WNT9A: variants seen among roughly 807,000 people sequenced by gnomAD.
WNT9A encodes the protein Wnt family member 9A.
Under a neutral mutation model 31.4 loss-of-function variants are expected in WNT9A, and 8 were observed. That is an observed-to-expected ratio of 0.26 (90% CI 0.15 to 0.46). The LOEUF (loss-of-function observed/expected upper bound fraction) is 0.46, where lower values mean the gene tolerates loss of function less well. Ranked by LOEUF, WNT9A falls within the 20% of genes least tolerant of loss-of-function variation. The pLI is 0.99. For missense variants in WNT9A, 457 were observed against 522.9 expected (o/e 0.87, Z 1.23); for synonymous variants, 236 against 220.1 (o/e 1.07, Z -0.64).
At chr1:227,934,330 T>C (rs1666555951) in intron 1 of WNT9A, among the ~76,000 whole-genome samples, 1 of 152,256 alleles carries the variant, frequency 6.6e-6, no homozygotes, top group Non-Finnish European at 1.5e-5. Flanking sequence ...ATAGGATTAA[T>C]GAATATTTCT....
At chr1:227,947,207 G>A (rs956196495) in intron 1 of WNT9A, among the ~76,000 whole-genome samples, 8 of 152,114 alleles carry the variant, frequency 5.3e-5, no homozygotes, top group African/African-American at 1.9e-4. Flanking sequence ...TCCCGGCCAG[G>A]TTCCATGGAC....
chr1:227,924,460 C>T, intron 2 of WNT9A, 60 bp from the exon 3 acceptor site: 1 of 1,559,008 alleles, frequency 6.4e-7, no homozygotes, highest in Non-Finnish European at 8.7e-7. Context: ...CCTTCACTGT[C>T]CTGCAGCCAA....
intron 1 of WNT9A, among the ~76,000 whole-genome samples, chr1:227,940,194 C>A (rs902374339): frequency 2.6e-5 from 4 of 152,240 alleles, no homozygotes; most frequent in African/African-American, 9.6e-5. Flanking sequence ...CTCCCCCAGG[C>A]TACTTGGGCT....
intron 1 of WNT9A, among the ~76,000 whole-genome samples, chr1:227,929,256 C>T (rs993936298): frequency 2.0e-5 from 3 of 152,086 alleles, no homozygotes; most frequent in African/African-American, 7.2e-5. Context: ...ATAGCAAGAC[C>T]CCATCTCAAG....
intron 1 of WNT9A, among the ~76,000 whole-genome samples, chr1:227,927,619 G>A (rs564848928): frequency 1.8e-4 from 27 of 152,146 alleles, no homozygotes; most frequent in Non-Finnish European, 3.2e-4. Flanking sequence ...GGAGGCAGGC[G>A]GGGGAGTAAG....
Position 227,921,432 on chromosome 1 carries a change from A to G in WNT9A, c.*86T>C. ...CCACGCAGCTGGGCTGGTCGAGCCC[A>G]GGAACTCAGCCTGTGCAGGTGTAGA... On this transcript the variant is annotated 3_prime_UTR_variant, in exon 4 of 4. Coordinates refer to ENST00000272164, the MANE Select transcript of WNT9A (RefSeq NM_003395.4). 6.5e-7 allele frequency: 1 copy of G among 1,531,244 alleles called. No individual in the cohort carries two copies. The highest frequency in any genetic ancestry group is 8.8e-7 in the Non-Finnish European group (1 of 1,138,064). 94.9% of individuals were successfully genotyped at this position (1,531,244 alleles called of 1,614,324 possible). A position where few individuals can be genotyped will look rare whatever the true frequency, so the allele number is the denominator to read the frequency against.
rs894582198 is a variant in WNT9A at position 227,928,995 on chromosome 1, G to A, written c.96-3476C>T. ...CAACTCACACCCCAGACCAGGGGCC[G>A]GCGCTGTGCACGTGTGTGTGTGTGT... On this transcript the variant is annotated intron_variant, in intron 1 of 3. Transcript: ENST00000272164. This position sits in a 1 kb window ranked among gnomAD's most constrained non-coding sequence, Gnocchi z 4.5. 3.3e-5 allele frequency among the ~76,000 whole-genome samples: 5 copies of A among 152,180 alleles called. No individual in the cohort carries two copies. In the East Asian group the frequency reaches 7.7e-4, roughly 23 times the overall value.
chr1:227,922,198 C>T (rs1239769025), intron 3 of WNT9A, among the ~76,000 whole-genome samples, 198 bp from the exon 4 acceptor site: 2 of 152,184 alleles, frequency 1.3e-5, no homozygotes, highest in Non-Finnish European at 2.9e-5. Flanking sequence ...TCCAGGCTGC[C>T]GACTGCCCAA....
At chr1:227,946,268 G>A (rs1666791255) in intron 1 of WNT9A, among the ~76,000 whole-genome samples, 1 of 152,250 alleles carries the variant, frequency 6.6e-6, no homozygotes, top group African/African-American at 2.4e-5. Context: ...GTCAGAGAAG[G>A]AGAGGCCAAG....
At position 227,924,125 on chromosome 1, in the gene WNT9A, C is replaced by T. The variant is rs8192631; in HGVS notation, c.615+13G>A. The stretch of plus-strand genomic sequence containing the variant: ...ACCCTCCCTTCCCACCCCGCCAGCC[C>T]CACCCCACTTGCCTTCACACCCACG... On this transcript the variant is annotated intron_variant, in intron 3 of 3. Transcript: ENST00000272164. 8.4e-3 allele frequency: 13,332 copies of T among 1,593,580 alleles called. 85 individuals carry two copies. The highest frequency in any genetic ancestry group is 0.021 in the African/African-American group (1,536 of 74,550).
intron 1 of WNT9A, among the ~76,000 whole-genome samples, chr1:227,929,730 A>C (rs1419673423): frequency 2.0e-4 from 31 of 152,202 alleles, no homozygotes; most frequent in Admixed American, 2.0e-3. Context: ...GCTACTCAGG[A>C]GGCTGAGGCG....
rs1257058799 is a variant in WNT9A at position 227,925,806 on chromosome 1, C to A, written c.96-287G>T. 6.6e-6 allele frequency among the ~76,000 whole-genome samples: 1 copy of A among 152,144 alleles called. No homozygotes were observed. Among genetic ancestry groups the A allele is most frequent in the Non-Finnish European group, 1.5e-5 (1 of 68,004 alleles). On this transcript the variant is annotated intron_variant, in intron 1 of 3. Coordinates refer to ENST00000272164, the MANE Select transcript of WNT9A (RefSeq NM_003395.4). The surrounding 1 kb of genome is among the most constrained non-coding windows in gnomAD (Gnocchi z 6.0). ...GGGAGTCTAGCTGACTCTGGCTGCA[C>A]TGGACAGATAAGACCCCCACAACAC...
In WNT9A at chr1:227,928,025, C is replaced by G. The variant is rs1168953333; in HGVS notation, c.96-2506G>C. ...GGGGGAGAAGCCCCATCTACCAGAG[C>G]CACCCCTCCCTCCCTGTCAAGGATA... On this transcript the variant is annotated intron_variant, in intron 1 of 3. Transcript: ENST00000272164. This position sits in a 1 kb window ranked among gnomAD's most constrained non-coding sequence, Gnocchi z 4.5. Among the ~76,000 whole-genome samples the G allele has an allele frequency of 6.6e-6, 1 of 152,040 alleles. No individual in the cohort carries two copies.
chr1:227,924,552 C>G, intron 2 of WNT9A, 152 bp from the exon 3 acceptor site: 6 of 1,232,978 alleles, frequency 4.9e-6, no homozygotes, highest in Non-Finnish European at 6.6e-6. Flanking sequence ...GTGGGTGTGC[C>G]CTGGCCACCA....
chr1:227,939,250 G>A (rs1666652654), intron 1 of WNT9A, among the ~76,000 whole-genome samples: 1 of 152,236 alleles, frequency 6.6e-6, no homozygotes, highest in Non-Finnish European at 1.5e-5. Context: ...GCTCCAGGGA[G>A]CGGTGACCCG....
chr1:227,923,747 G>A lies in WNT9A; in HGVS notation c.615+391C>T, dbSNP rs537841780. 1.4e-4 allele frequency among the ~76,000 whole-genome samples: 22 copies of A among 152,198 alleles called. No individual in the cohort carries two copies. The East Asian group carries it at 3.1e-3, about 22-fold the overall frequency. On this transcript the variant is annotated intron_variant, in intron 3 of 3. Coordinates refer to ENST00000272164, the MANE Select transcript of WNT9A (RefSeq NM_003395.4). ...GTGGGGGGCACATCTTCCTCCCACC[G>A]GTCTTCGTGACAAGCCTGCCAGCTG... is the stretch of plus-strand genomic sequence containing the variant.
chr1:227,940,628 G>A (rs1666686618), intron 1 of WNT9A, among the ~76,000 whole-genome samples: 2 of 152,340 alleles, frequency 1.3e-5, no homozygotes, highest in Middle Eastern at 3.4e-3. Flanking sequence ...GGAGGCTCTG[G>A]CAGCAGCTCC....
intron 3 of WNT9A, 72 bp downstream of exon 3, chr1:227,924,066 A>AACCCCCCC: frequency 3.9e-5 from 1 of 25,380 alleles, no homozygotes; most frequent in East Asian, 8.8e-4. Context: ...CCCCAGTCCC[A>AACCCCCCC]CGCCCCACCC....
intron 3 of WNT9A, among the ~76,000 whole-genome samples, chr1:227,922,314 C>T (rs1009523526): frequency 3.3e-5 from 5 of 152,218 alleles, no homozygotes; most frequent in African/African-American, 9.6e-5. Flanking sequence ...GGGCTGCCCT[C>T]AGCAGGGGCT....
Sources: allele counts gnomAD v4.1 joint callset (sites outside exome capture counted in the v4.1 genomes callset), GRCh38; gene constraint gnomAD v4.1.1; non-coding constraint Gnocchi (gnomAD v3.1); transcripts MANE v1.5; gene names NCBI Gene and HGNC (gene_info 2026-07-23, HGNC 2026-07-21).